FANCD2: variants seen among roughly 807,000 people sequenced by gnomAD.
FANCD2 encodes Fanconi anemia group D2 protein.
Under a neutral mutation model 192.3 loss-of-function variants are expected in FANCD2, and 131 were observed. The observed-to-expected ratio is 0.68, with a 90% CI of 0.59 to 0.79. FANCD2 has a LOEUF of 0.79. Ranked by LOEUF, FANCD2 falls within the 30% of genes least tolerant of loss-of-function variation. The probability of loss-of-function intolerance (pLI) is 0.00; values close to 1 mark genes in which losing one functional copy is unlikely to be tolerated. For missense variants in FANCD2, 1,508 were observed against 1,701.6 expected, an observed-to-expected ratio of 0.89 and a Z score of 2.00; for synonymous variants, 524 against 612.5, an observed-to-expected ratio of 0.86 and a Z score of 2.13.
At chr3:10,056,163 G>A (rs979152752) in intron 18 of FANCD2, among the ~76,000 whole-genome samples, 3 of 152,218 alleles carry the variant, frequency 2.0e-5, no homozygotes, top group African/African-American at 7.2e-5. Flanking sequence ...ACAGGCGTGA[G>A]CCACTGCGCC....
At chr3:10,095,971 T>A (rs1416674368) in intron 41 of FANCD2, among the ~76,000 whole-genome samples, 2 of 148,498 alleles carry the variant, frequency 1.3e-5, no homozygotes, top group African/African-American at 5.0e-5. Flanking sequence ...AAGTTCCGCC[T>A]CCCGGCTGGA....
At chr3:10,067,346 C>A in intron 26 of FANCD2, 29 bp downstream of exon 26, 2 of 1,313,454 alleles carry the variant, frequency 1.5e-6, no homozygotes, top group Non-Finnish European at 2.2e-6. Context: ...ACTGGTAGTA[C>A]TACTAGGCCA....
chr3:10,079,459 C>T (rs1693710517), intron 30 of FANCD2, among the ~76,000 whole-genome samples: 1 of 152,004 alleles, frequency 6.6e-6, no homozygotes, highest in African/African-American at 2.4e-5. Context: ...GCGCGCGCCA[C>T]CACACCCAGC....
intron 29 of FANCD2, among the ~76,000 whole-genome samples, chr3:10,077,872 T>C (rs934165420): frequency 6.8e-6 from 1 of 147,018 alleles, no homozygotes; most frequent in African/African-American, 2.5e-5. Flanking sequence ...TCTTATTAAT[T>C]AAAAAAAAAA....
intron 36 of FANCD2, 79 bp from the exon 37 acceptor site, chr3:10,090,213 C>T: frequency 9.7e-7 from 1 of 1,031,174 alleles, no homozygotes; most frequent in Non-Finnish European, 1.5e-6. Flanking sequence ...AAGGAAGCTA[C>T]TTTTGGTTCC....
At chr3:10,084,987 G>A (rs537583769) in intron 32 of FANCD2, among the ~76,000 whole-genome samples, 2 of 152,276 alleles carry the variant, frequency 1.3e-5, no homozygotes, top group African/African-American at 4.8e-5. Context: ...ATAGGGGCCT[G>A]GCCAAAATGA....
chr3:10,049,655 C>G (rs2087138926), intron 17 of FANCD2, 150 bp downstream of exon 17: 1 of 799,070 alleles, frequency 1.3e-6, no homozygotes, highest in Admixed American at 2.0e-5. Flanking sequence ...TTCTTTATAC[C>G]TAACCTACAG....
At chr3:10,062,628 T>G (rs2087602673) in intron 20 of FANCD2, among the ~76,000 whole-genome samples, 1 of 152,200 alleles carries the variant, frequency 6.6e-6, no homozygotes, top group African/African-American at 2.4e-5. Flanking sequence ...GTGCTTCTTT[T>G]GTAAAAGAAG....
Position 10,036,086 on chromosome 3 carries a change from C to CTTTTTTTTTTTTTTTTTTTTT in FANCD2, c.439-182_439-181insTTTTTTTTTTTTTTTTTTTTT, listed in dbSNP as rs532765216. 7.2e-3 allele frequency among the ~76,000 whole-genome samples: 737 copies of CTTTTTTTTTTTTTTTTTTTTT among 102,516 alleles called. 66 individuals are homozygous for CTTTTTTTTTTTTTTTTTTTTT. The highest frequency in any genetic ancestry group is 9.9e-3 in the Non-Finnish European group (492 of 49,942). The allele number at this position is 102,516 out of a possible 152,430, so 67.3% of individuals were successfully genotyped here. On this transcript the variant is annotated intron_variant, in intron 6 of 43. Transcript: ENST00000675286. ...TAGTTGGAAAGAGAATTATACATTTCTTTTTTTTTTTTTTTTTTTGAGTCA... is the reference window on the plus strand; with the variant it reads ...TAGTTGGAAAGAGAATTATACATTTCTTTTTTTTTTTTTTTTTTTTTTTTTTTTTTTTTTTTTTTTGAGTCA...
Position 10,042,427 on chromosome 3 carries a change from G to C in FANCD2, c.784-132G>C, listed in dbSNP as rs1036668182. 5.3e-6 allele frequency: 4 copies of C among 757,300 alleles called. No individual in the cohort carries two copies. In the African/African-American group the frequency reaches 7.1e-5, roughly 13 times the overall value. The allele number at this position is 757,300 out of a possible 1,614,324, so 46.9% of individuals were successfully genotyped here. A position where few individuals can be genotyped will look rare whatever the true frequency, so the allele number is the denominator to read the frequency against. ...AATTTGGGGAAAAATCTAAAATTTT[G>C]TTTTTCCCTAAATTATAAGTGGGAA... On this transcript the variant is annotated intron_variant, in intron 10 of 43. Transcript: ENST00000675286.
intron 29 of FANCD2, among the ~76,000 whole-genome samples, chr3:10,075,988 C>A (rs2125051887): frequency 6.6e-6 from 1 of 151,856 alleles, no homozygotes; most frequent in African/African-American, 2.4e-5. Context: ...GCCTTGGCCT[C>A]CCAAAGTGTT....
intron 19 of FANCD2, among the ~76,000 whole-genome samples, chr3:10,061,376 G>C (rs2087562963): frequency 6.6e-6 from 1 of 152,256 alleles, no homozygotes; most frequent in East Asian, 1.9e-4. Flanking sequence ...TCACTCCCCT[G>C]TGACACACAT....
rs1174238827 is a variant in FANCD2, at chr3:10,085,800, T to C, written c.3225-12T>C. 1.9e-6 allele frequency: 3 copies of C among 1,586,696 alleles called. No individual in the cohort carries two copies. The highest frequency in any genetic ancestry group is 2.6e-6 in the Non-Finnish European group (3 of 1,155,054). On this transcript the variant is annotated splice_polypyrimidine_tract_variant and intron_variant, in intron 32 of 43. Coordinates refer to ENST00000675286, the MANE Select transcript of FANCD2 (RefSeq NM_001018115.3). ...GAAACTAAGCTAACCCCTCTTACCT[T>C]GACTTCCTTAGGAGTGGATTTTCTC...
chr3:10,073,752 G>C (rs888650570), intron 28 of FANCD2, among the ~76,000 whole-genome samples: 5 of 152,124 alleles, frequency 3.3e-5, no homozygotes, highest in African/African-American at 1.2e-4. Context: ...CTGTTGATCA[G>C]CCACCATTTA....
chr3:10,067,527 G>T (rs1279716870), intron 26 of FANCD2, among the ~76,000 whole-genome samples: 2 of 152,202 alleles, frequency 1.3e-5, no homozygotes, highest in Non-Finnish European at 2.9e-5. Flanking sequence ...TGGGCACGAG[G>T]TGGCTCACGC....
At chr3:10,074,494 T>A (rs1230441414) in intron 28 of FANCD2, 36 bp from the exon 29 acceptor site, 2 of 1,585,910 alleles carry the variant, frequency 1.3e-6, no homozygotes, top group Non-Finnish European at 1.7e-6. Flanking sequence ...TATAGAAGAT[T>A]TATATATTCT....
intron 32 of FANCD2, among the ~76,000 whole-genome samples, chr3:10,081,957 C>T (rs1693867075): frequency 6.6e-6 from 1 of 152,166 alleles, no homozygotes; most frequent in Non-Finnish European, 1.5e-5. Flanking sequence ...CAGGGACAGG[C>T]GTTGGGCTCT....
chr3:10,092,229 A>G lies in FANCD2; in HGVS notation c.3826A>G (p.Ser1276Gly), dbSNP rs780499269. The G allele has an allele frequency of 6.2e-7, 1 of 1,613,778 alleles. No individual in the cohort carries two copies. Among genetic ancestry groups the G allele is most frequent in the South Asian group, 1.1e-5 (1 of 91,082 alleles). The change falls in exon 38 of 44, where the codon AGT (serine) becomes GGT (glycine). Residue 1276 changes from serine (S) to glycine (G), a missense_variant. Coordinates refer to ENST00000675286, the MANE Select transcript of FANCD2 (RefSeq NM_001018115.3). ...LYWNMAVRDF[S>G]ILINLIKVFD... Reference sequence around the variant, plus strand: ...CTGGAACATGGCTGTTCGAGACTTCAGTATCCTCATCAACTTGATAAAGGT... The same window carrying G: ...CTGGAACATGGCTGTTCGAGACTTCGGTATCCTCATCAACTTGATAAAGGT...
At chr3:10,043,344 G>A (rs951879272) in intron 12 of FANCD2, 140 bp from the exon 13 acceptor site, 1 of 825,178 alleles carries the variant, frequency 1.2e-6, no homozygotes, top group African/African-American at 1.7e-5. Flanking sequence ...ATCAATCCCA[G>A]ACAGACGACA....
Sources: gnomAD v4.1 joint callset for allele counts (sites outside exome capture counted in the v4.1 genomes callset) on GRCh38, gnomAD v4.1.1 for gene constraint, MANE v1.5 for transcripts, NCBI Gene and HGNC (gene_info 2026-07-23, HGNC 2026-07-21) for gene names.